Variants in SCCPDH observed in about 807,000 individuals in gnomAD.
SCCPDH encodes saccharopine dehydrogenase (putative), also known as saccharopine dehydrogenase-like oxidoreductase.
SCCPDH carries 34 observed loss-of-function variants against 51.5 expected under a neutral mutation model. That is an observed-to-expected ratio of 0.66 (90% CI 0.50 to 0.88). The LOEUF (loss-of-function observed/expected upper bound fraction) is 0.88. SCCPDH is among the 40% of genes least tolerant of loss of function. The pLI, the probability that SCCPDH is intolerant of heterozygous loss-of-function variation, is 0.00. For missense variants in SCCPDH, 464 were observed against 527.1 expected (o/e 0.88, Z 1.17); for synonymous variants, 187 against 191.3 (o/e 0.98, Z 0.19).
At position 246,726,878 on chromosome 1, in the gene SCCPDH, G is replaced by A. The variant is rs1041972248; in HGVS notation, c.191-14G>A. 5 of 1,574,564 alleles carry A rather than the reference G, an allele frequency of 3.2e-6. No homozygotes were observed. The East Asian group carries it at 8.9e-5, about 28-fold the overall frequency. ...TACTGGGATTTACTTTCCTTCATTT[G>A]TTTCTTATTTTAGGAAGACCAACAC... On this transcript the variant is annotated splice_polypyrimidine_tract_variant and intron_variant, in intron 1 of 11. Transcript: ENST00000366510.
At chr1:246,739,704 T>C (rs1350107974) in intron 3 of SCCPDH, among the ~76,000 whole-genome samples, 2 of 152,296 alleles carry the variant, frequency 1.3e-5, no homozygotes, top group South Asian at 2.1e-4. Flanking sequence ...AATCTTAAAC[T>C]GTTTTTAAAA....
chr1:246,761,292 G>A (rs1192463496), intron 9 of SCCPDH, among the ~76,000 whole-genome samples: 1 of 152,170 alleles, frequency 6.6e-6, no homozygotes, highest in Non-Finnish European at 1.5e-5. Flanking sequence ...GGGCAGGCTG[G>A]TCTTGAACTC....
chr1:246,753,053 C>A (rs1022973896), intron 5 of SCCPDH, among the ~76,000 whole-genome samples: 2 of 136,650 alleles, frequency 1.5e-5, no homozygotes, highest in Admixed American at 6.9e-5. Context: ...TTTTCTTTGA[C>A]TCTCTCTCTC....
At chr1:246,747,633 G>A (rs1668781482) in intron 5 of SCCPDH, among the ~76,000 whole-genome samples, 2 of 152,340 alleles carry the variant, frequency 1.3e-5, no homozygotes, top group South Asian at 4.1e-4. Flanking sequence ...AACAAGGGAG[G>A]GGAAGGTGTT....
chr1:246,730,383 T>C (rs1169482451), intron 2 of SCCPDH, among the ~76,000 whole-genome samples: 1 of 152,240 alleles, frequency 6.6e-6, no homozygotes, highest in East Asian at 1.9e-4. Context: ...TCTCCTCCAC[T>C]GCGTCTTTGT....
Position 246,759,061 on chromosome 1 carries a change from C to T in SCCPDH, c.723C>T (p.Leu241=). ...RRWPISYCRE[L]KGYSIPFMGS... is the part of the protein sequence containing the mutation. ...GGCCAATTTCTTATTGTCGGGAACT[C>T]AAAGGTTATTCCATTCCTTTTATGG... The change falls in exon 7 of 12, where the codon CTC becomes CTT. Residue 241 remains leucine, a synonymous_variant. Coordinates refer to ENST00000366510, the MANE Select transcript of SCCPDH (RefSeq NM_016002.3). 1.2e-6 allele frequency: 2 copies of T among 1,609,376 alleles called. No individual in the cohort carries two copies. Among genetic ancestry groups the T allele is most frequent in the South Asian group, 1.1e-5 (1 of 90,984 alleles).
intron 2 of SCCPDH, among the ~76,000 whole-genome samples, chr1:246,728,754 T>C (rs1484802132): frequency 3.9e-5 from 6 of 152,180 alleles, no homozygotes; most frequent in Non-Finnish European, 7.4e-5. Context: ...TACCACCAGA[T>C]CTATCTACCT....
At chr1:246,724,744 G>C (rs1668361252) in intron 1 of SCCPDH, 132 bp downstream of exon 1, 1 of 779,866 alleles carries the variant, frequency 1.3e-6, no homozygotes, top group African/African-American at 1.9e-5. Context: ...AAGAAGAGGA[G>C]AGGGAGAGAT....
intron 4 of SCCPDH, among the ~76,000 whole-genome samples, chr1:246,741,128 A>G (rs1384317974): frequency 1.3e-5 from 2 of 151,970 alleles, no homozygotes; most frequent in South Asian, 2.1e-4. Context: ...AAAAAACAAA[A>G]CTGAAACAGG....
At chr1:246,750,490 A>G (rs1365715630) in intron 5 of SCCPDH, among the ~76,000 whole-genome samples, 1 of 152,134 alleles carries the variant, frequency 6.6e-6, no homozygotes, top group Non-Finnish European at 1.5e-5. Context: ...TCTCTAGACT[A>G]ATTTGGTTAG....
At chr1:246,758,200 CTTT>C in intron 5 of SCCPDH, 23 bp from the exon 6 acceptor site, 1 of 1,535,452 alleles carries the variant, frequency 6.5e-7, no homozygotes, top group Non-Finnish European at 8.8e-7. Context: ...TTTCATGTTT[CTTT>C]AACTCTTGAA....
At chr1:246,760,464 G>A (rs1201963792) in intron 9 of SCCPDH, among the ~76,000 whole-genome samples, 1 of 152,162 alleles carries the variant, frequency 6.6e-6, no homozygotes, top group Admixed American at 6.5e-5. Context: ...TCTCCAGGTA[G>A]TACATGGCCC....
chr1:246,743,412 A>C (rs1490343735), intron 4 of SCCPDH, among the ~76,000 whole-genome samples: 1 of 151,632 alleles, frequency 6.6e-6, no homozygotes, highest in East Asian at 1.9e-4. Context: ...GTGAAACCCC[A>C]TCTCTACTAA....
At chr1:246,758,406 T>C (rs911471166) in intron 6 of SCCPDH, 50 bp downstream of exon 6, 1 of 1,389,128 alleles carries the variant, frequency 7.2e-7, no homozygotes, top group Admixed American at 2.2e-5. Context: ...AAGTATATTG[T>C]TGTTGGGTTG....
chr1:246,741,836 G>A (rs1264217517), intron 4 of SCCPDH, among the ~76,000 whole-genome samples: 9 of 152,150 alleles, frequency 5.9e-5, no homozygotes, highest in Non-Finnish European at 8.8e-5. Flanking sequence ...GGAGGCCAAG[G>A]CAGGTGGATC....
At chr1:246,754,834 C>CT (rs949898218) in intron 5 of SCCPDH, among the ~76,000 whole-genome samples, 4 of 151,974 alleles carry the variant, frequency 2.6e-5, no homozygotes, top group South Asian at 2.1e-4. Context: ...TTTTCTTTCT[C>CT]TTTTTTTTGG....
intron 5 of SCCPDH, among the ~76,000 whole-genome samples, chr1:246,753,163 C>G (rs546765775): frequency 6.6e-6 from 1 of 151,836 alleles, no homozygotes; most frequent in Non-Finnish European, 1.5e-5. Context: ...CTCTTTCATC[C>G]TCTTTATGTT....
chr1:246,726,065 G>A (rs1394490010), intron 1 of SCCPDH, among the ~76,000 whole-genome samples: 1 of 151,710 alleles, frequency 6.6e-6, no homozygotes, highest in Non-Finnish European at 1.5e-5. Context: ...CACCGTGTTA[G>A]TGAGGATGGT....
At chr1:246,743,505 C>A (rs1572298110) in intron 4 of SCCPDH, among the ~76,000 whole-genome samples, 1 of 151,804 alleles carries the variant, frequency 6.6e-6, no homozygotes. Context: ...ATCGCTTGAT[C>A]CCAGGAGGTG....
Sources: gnomAD v4.1 joint callset for allele counts (sites outside exome capture counted in the v4.1 genomes callset) on GRCh38, gnomAD v4.1.1 for gene constraint, MANE v1.5 for transcripts, NCBI Gene and HGNC (gene_info 2026-07-23, HGNC 2026-07-21) for gene names.